The following RELL1 variants were observed in gnomAD, a reference collection of about 807,000 sequenced individuals.
The protein encoded by RELL1 is RELT like 1.
RELL1 carries 10 observed loss-of-function variants against 23.0 expected under a neutral mutation model. The observed-to-expected ratio is 0.43, with a 90% CI of 0.27 to 0.74. RELL1 has a LOEUF of 0.74. Among genes scored for constraint, RELL1 ranks in the 30% least tolerant of loss-of-function variants. The probability of loss-of-function intolerance (pLI) is 0.19; values close to 1 mark genes in which losing one functional copy is unlikely to be tolerated. For missense variants in RELL1, 315 were observed against 364.4 expected, an observed-to-expected ratio of 0.86 and a Z score of 1.10; for synonymous variants, 146 against 146.8, an observed-to-expected ratio of 0.99 and a Z score of 0.04.
chr4:37,655,502 G>A (rs972344632), intron 1 of RELL1, among the ~76,000 whole-genome samples: 15 of 152,068 alleles, frequency 9.9e-5, no homozygotes, highest in African/African-American at 1.2e-4. Context: ...ACAAGCTAAG[G>A]GACACCAAAG....
At chr4:37,596,544 T>C (rs1240770421) in intron 6 of RELL1, among the ~76,000 whole-genome samples, 1 of 151,366 alleles carries the variant, frequency 6.6e-6, no homozygotes, top group Non-Finnish European at 1.5e-5. Flanking sequence ...ATATGTTATA[T>C]GGTTTACAGT....
intron 1 of RELL1, among the ~76,000 whole-genome samples, chr4:37,675,606 A>G (rs1577610001): frequency 4.6e-5 from 7 of 152,266 alleles, no homozygotes; most frequent in Admixed American, 4.6e-4. Flanking sequence ...GCTAAATAAC[A>G]TGGAAAAGAT....
At chr4:37,604,374 T>C (rs1719096937) in intron 6 of RELL1, among the ~76,000 whole-genome samples, 1 of 152,118 alleles carries the variant, frequency 6.6e-6, no homozygotes, top group South Asian at 2.1e-4. Context: ...TTGGAGGAAT[T>C]CTAACATCCA....
chr4:37,591,731 T>C (rs2109469069), intron 6 of RELL1: 1 of 152,380 alleles, frequency 6.6e-6, no homozygotes, highest in South Asian at 2.1e-4. Context: ...TTATGTCATA[T>C]TTGGATTTTA....
At chr4:37,629,311 T>C (rs1029765344) in intron 6 of RELL1, among the ~76,000 whole-genome samples, 7 of 152,232 alleles carry the variant, frequency 4.6e-5, no homozygotes, top group African/African-American at 1.7e-4. Flanking sequence ...TTAATCAGAA[T>C]GCTCCTCTTT....
At chr4:37,605,680 T>A (rs904496272), downstream of RELL1, among the ~76,000 whole-genome samples, 5 of 150,750 alleles carry the variant, frequency 3.3e-5, no homozygotes, top group Non-Finnish European at 1.5e-5. Flanking sequence ...AGGCAAACGT[T>A]GCAGCGAGTC....
intron 1 of RELL1, among the ~76,000 whole-genome samples, chr4:37,663,816 AAACTGTCACCAATG>A (rs1319093435): frequency 6.6e-6 from 1 of 152,106 alleles, no homozygotes; most frequent in Non-Finnish European, 1.5e-5. Flanking sequence ...TGGCTTTGTT[AAACTGTCACCAATG>A]AACCACACAG....
chr4:37,685,180 A>G (rs1722358795), intron 1 of RELL1, among the ~76,000 whole-genome samples: 1 of 152,172 alleles, frequency 6.6e-6, no homozygotes, highest in African/African-American at 2.4e-5. Context: ...CTCAGGAGGA[A>G]GAGTTTATGG....
At chr4:37,652,055 C>T (rs1009734511) in intron 1 of RELL1, among the ~76,000 whole-genome samples, 3 of 152,102 alleles carry the variant, frequency 2.0e-5, no homozygotes, top group East Asian at 3.8e-4. Context: ...ACAAAGTGAC[C>T]GAGAAGAAAA....
At chr4:37,615,884 C>G (rs148426264) in intron 6 of RELL1, among the ~76,000 whole-genome samples, 4 of 152,002 alleles carry the variant, frequency 2.6e-5, no homozygotes, top group African/African-American at 9.7e-5. Flanking sequence ...AAGCCATAAT[C>G]CTCTCATTAT....
chr4:37,644,196 A>G (rs895422598), intron 3 of RELL1, among the ~76,000 whole-genome samples: 29 of 152,034 alleles, frequency 1.9e-4, no homozygotes, highest in Non-Finnish European at 5.9e-5. Context: ...AAAAGAAAAA[A>G]AAACCAAAAC....
At position 37,614,284 on chromosome 4, in the gene RELL1, C is replaced by A. The variant is rs188464298; in HGVS notation, c.*4-942G>T. Among the ~76,000 whole-genome samples, 465 of 152,058 alleles carry A rather than the reference C, an allele frequency of 3.1e-3. 1 individual carries two copies. The highest frequency in any genetic ancestry group is 0.011 in the African/African-American group (451 of 41,470). ...TCAATGGTATATTCAATATAATATT[C>A]ATTTGGTCAACCATAATATTCAATA... On this transcript the variant is annotated intron_variant, in intron 6 of 6. Coordinates refer to ENST00000454158, the MANE Select transcript of RELL1 (RefSeq NM_001085400.2).
intron 6 of RELL1, among the ~76,000 whole-genome samples, chr4:37,594,798 C>G (rs1718772852): frequency 6.6e-6 from 1 of 152,132 alleles, no homozygotes; most frequent in South Asian, 2.1e-4. Flanking sequence ...TCCTACCTCT[C>G]CCATCCGTAC....
chr4:37,620,810 T>G (rs1203297623), intron 6 of RELL1, among the ~76,000 whole-genome samples: 1 of 152,220 alleles, frequency 6.6e-6, no homozygotes, highest in Non-Finnish European at 1.5e-5. Flanking sequence ...AAACATTAAT[T>G]TTAACACTTT....
At chr4:37,666,316 C>T (rs1721530429) in intron 1 of RELL1, among the ~76,000 whole-genome samples, 1 of 152,192 alleles carries the variant, frequency 6.6e-6, no homozygotes, top group Non-Finnish European at 1.5e-5. Flanking sequence ...CAAGACTACT[C>T]CCTATGAAGC....
intron 6 of RELL1, among the ~76,000 whole-genome samples, chr4:37,616,278 G>C (rs1719571449): frequency 6.6e-6 from 1 of 152,122 alleles, no homozygotes; most frequent in South Asian, 2.1e-4. Context: ...TTTACCAAAG[G>C]CCACACAATT....
chr4:37,630,431 C>A (rs1720090100), intron 6 of RELL1, among the ~76,000 whole-genome samples: 2 of 123,548 alleles, frequency 1.6e-5, no homozygotes, highest in Non-Finnish European at 3.1e-5. Flanking sequence ...GTGGCGTGAT[C>A]TCGGCTCACT....
chr4:37,673,953 C>CAT (rs907193042), intron 1 of RELL1, among the ~76,000 whole-genome samples: 2 of 152,220 alleles, frequency 1.3e-5, no homozygotes, highest in African/African-American at 4.8e-5. Flanking sequence ...TCTCTATTCC[C>CAT]ACCTCCATGC....
At chr4:37,604,892 C>T (rs1406256094) in intron 6 of RELL1, among the ~76,000 whole-genome samples, 1,049 of 74,480 alleles carry the variant, frequency 0.014, 44 homozygotes, top group East Asian at 0.082. Flanking sequence ...CACACAGACA[C>T]ACACACAGAC....
Sources: gnomAD v4.1 joint callset for allele counts (sites outside exome capture counted in the v4.1 genomes callset) on GRCh38, gnomAD v4.1.1 for gene constraint, MANE v1.5 for transcripts, NCBI Gene and HGNC (gene_info 2026-07-23, HGNC 2026-07-21) for gene names.